RERE: variants seen among roughly 807,000 people sequenced by gnomAD.
RERE encodes arginine-glutamic acid dipeptide repeats, also known as arginine-glutamic acid dipeptide repeats protein.
Under a neutral mutation model 146.1 loss-of-function variants are expected in RERE, and 40 were observed. That is an observed-to-expected ratio of 0.27 (90% confidence interval 0.21 to 0.36). The LOEUF (loss-of-function observed/expected upper bound fraction) is 0.36, where lower values mean the gene tolerates loss of function less well. RERE is among the 10% of genes least tolerant of loss of function. The pLI, the probability that RERE is intolerant of heterozygous loss-of-function variation, is 1.00. For missense variants in RERE, 1,933 were observed against 2,138.7 expected, an observed-to-expected ratio of 0.90 and a Z score of 1.90; for synonymous variants, 1,003 against 866.0, an observed-to-expected ratio of 1.16 and a Z score of -2.78.
intron 12 of RERE, among the ~76,000 whole-genome samples, chr1:8,406,215 G>A (rs1318134209): frequency 1.3e-5 from 2 of 151,924 alleles, no homozygotes; most frequent in African/African-American, 4.8e-5. Flanking sequence ...ACAGGTGTGT[G>A]GCACTACACC....
At chr1:8,359,114 C>G (rs986996450) in intron 19 of RERE, among the ~76,000 whole-genome samples, 198 bp from the exon 20 acceptor site, 2 of 152,192 alleles carry the variant, frequency 1.3e-5, no homozygotes, top group Non-Finnish European at 2.9e-5. Context: ...CACCTGTGCC[C>G]GCAGCTCCCC....
At chr1:8,738,580 T>C (rs892647835) in intron 1 of RERE, among the ~76,000 whole-genome samples, 1 of 152,022 alleles carries the variant, frequency 6.6e-6, no homozygotes. Context: ...GCAGCCCTGG[T>C]CATCCTCTAT....
At chr1:8,676,335 C>CA (rs1401977374) in intron 1 of RERE, among the ~76,000 whole-genome samples, 1 of 151,934 alleles carries the variant, frequency 6.6e-6, no homozygotes, top group African/African-American at 2.4e-5. Flanking sequence ...AAAAGTAATC[C>CA]AAAAAAGCCC....
intron 6 of RERE, among the ~76,000 whole-genome samples, chr1:8,551,204 T>C (rs1451764522): frequency 6.6e-6 from 1 of 152,212 alleles, no homozygotes; most frequent in Non-Finnish European, 1.5e-5. Flanking sequence ...AGCAAGACAC[T>C]TACGATCTCC....
chr1:8,660,258 G>A (rs560814408), intron 1 of RERE, among the ~76,000 whole-genome samples: 3 of 151,954 alleles, frequency 2.0e-5, no homozygotes, highest in East Asian at 3.9e-4. Flanking sequence ...ATTCTTCTGC[G>A]CCTTAGTGTA....
chr1:8,384,296 T>C (rs1021613442), intron 12 of RERE, among the ~76,000 whole-genome samples: 3 of 152,222 alleles, frequency 2.0e-5, no homozygotes, highest in African/African-American at 7.2e-5. Context: ...CCTGCTGCCC[T>C]AGTTTTTTCT....
chr1:8,394,558 G>A (rs1416520858), intron 12 of RERE, among the ~76,000 whole-genome samples: 2 of 152,130 alleles, frequency 1.3e-5, no homozygotes, highest in African/African-American at 2.4e-5. Context: ...ACACATTTCC[G>A]TTTTCCAGTA....
At chr1:8,704,033 G>A (rs1557492344) in intron 1 of RERE, among the ~76,000 whole-genome samples, 1 of 152,084 alleles carries the variant, frequency 6.6e-6, no homozygotes, top group Non-Finnish European at 1.5e-5. Context: ...ATCTAATAAG[G>A]AAGCAAAATA....
At chr1:8,415,156 A>G (rs1041382616) in intron 12 of RERE, among the ~76,000 whole-genome samples, 1 of 152,200 alleles carries the variant, frequency 6.6e-6, no homozygotes, top group African/African-American at 2.4e-5. Flanking sequence ...TACAAGGCTA[A>G]AAAAGAATCT....
intron 11 of RERE, among the ~76,000 whole-genome samples, chr1:8,452,847 C>T (rs756737112): frequency 1.3e-5 from 2 of 152,140 alleles, no homozygotes; most frequent in Non-Finnish European, 2.9e-5. Flanking sequence ...AATCCACCAC[C>T]CCTTTTGTGA....
At chr1:8,560,551 T>C (rs946242558) in intron 4 of RERE, among the ~76,000 whole-genome samples, 1 of 152,232 alleles carries the variant, frequency 6.6e-6, no homozygotes, top group Non-Finnish European at 1.5e-5. Context: ...TTCCCATGTA[T>C]GTGACTTGGG....
intron 2 of RERE, among the ~76,000 whole-genome samples, chr1:8,644,286 G>C (rs1189673260): frequency 6.6e-6 from 1 of 152,108 alleles, no homozygotes; most frequent in Non-Finnish European, 1.5e-5. Flanking sequence ...TGTGAATCTT[G>C]AGCTGAGTGA....
chr1:8,358,998 T>G, intron 19 of RERE, 82 bp from the exon 20 acceptor site: 1 of 1,454,764 alleles, frequency 6.9e-7, no homozygotes, highest in Non-Finnish European at 9.0e-7. Context: ...GTGGGCCTGG[T>G]CCTGCTCCTG....
At chr1:8,658,071 T>C (rs1638363874) in intron 1 of RERE, among the ~76,000 whole-genome samples, 1 of 152,196 alleles carries the variant, frequency 6.6e-6, no homozygotes, top group Non-Finnish European at 1.5e-5. Flanking sequence ...CTAACACAGT[T>C]CTTACAGATA....
At chr1:8,488,659 C>T (rs1318297171) in intron 10 of RERE, among the ~76,000 whole-genome samples, 1 of 152,134 alleles carries the variant, frequency 6.6e-6, no homozygotes, top group Non-Finnish European at 1.5e-5. Context: ...GAAAGACACC[C>T]CTGAGGTCAA....
At chr1:8,416,573 G>A (rs1197347284) in intron 12 of RERE, among the ~76,000 whole-genome samples, 11 of 122,996 alleles carry the variant, frequency 8.9e-5, no homozygotes, top group African/African-American at 1.6e-4. Flanking sequence ...GCGACAGAGC[G>A]AGACTCCATC....
chr1:8,482,386 C>G (rs958968671), intron 10 of RERE, among the ~76,000 whole-genome samples: 6 of 151,776 alleles, frequency 4.0e-5, no homozygotes, highest in African/African-American at 1.5e-4. Context: ...TTCATTCAAA[C>G]AAGACAAAAA....
intron 10 of RERE, among the ~76,000 whole-genome samples, chr1:8,486,439 G>A (rs765732199): frequency 1.3e-5 from 2 of 152,114 alleles, no homozygotes; most frequent in Admixed American, 6.5e-5. Context: ...AAGGAATTTA[G>A]TACTAAATAA....
intron 10 of RERE, among the ~76,000 whole-genome samples, chr1:8,474,795 A>T (rs1361442556): frequency 6.6e-6 from 1 of 152,230 alleles, no homozygotes; most frequent in Admixed American, 6.5e-5. Flanking sequence ...GCCAAAGCAT[A>T]CTTTTCAAAT....
Sources: allele counts gnomAD v4.1 joint callset (sites outside exome capture counted in the v4.1 genomes callset), GRCh38; gene constraint gnomAD v4.1.1; transcripts MANE v1.5; gene names NCBI Gene and HGNC (gene_info 2026-07-23, HGNC 2026-07-21).